ANKHD1: variants seen among roughly 807,000 people sequenced by gnomAD.
ANKHD1 encodes ankyrin repeat and KH domain containing 1.
In ANKHD1, 31 loss-of-function variants were observed where a neutral mutation model predicts 230.5. The observed-to-expected ratio is 0.13, with a 90% confidence interval of 0.10 to 0.18. The LOEUF (loss-of-function observed/expected upper bound fraction) is 0.18, where lower values mean the gene tolerates loss of function less well. Ranked by LOEUF, ANKHD1 falls within the 10% of genes least tolerant of loss-of-function variation. ANKHD1 has a pLI of 1.00. For synonymous variants in ANKHD1, 1,074 were observed against 1,117.6 expected (o/e 0.96, Z 0.78); for missense variants, 2,256 against 3,071.3 (o/e 0.73, Z 6.27).
chr5:140,443,006 C>T (rs750295480), intron 5 of ANKHD1, among the ~76,000 whole-genome samples: 12 of 151,568 alleles, frequency 7.9e-5, no homozygotes, highest in Admixed American at 2.6e-4. Flanking sequence ...TCCAGGTTCA[C>T]GCCATTCTCC....
At chr5:140,483,606 C>T (rs1318438206) in intron 11 of ANKHD1, among the ~76,000 whole-genome samples, 1 of 151,784 alleles carries the variant, frequency 6.6e-6, no homozygotes, top group East Asian at 1.9e-4. Context: ...TACAGGCATG[C>T]ACCACCATGC....
At chr5:140,519,560 T>G (rs895043530) in intron 24 of ANKHD1, among the ~76,000 whole-genome samples, 1 of 152,148 alleles carries the variant, frequency 6.6e-6, no homozygotes, top group Non-Finnish European at 1.5e-5. Context: ...AAACAGAATG[T>G]TACTGGTACC....
At chr5:140,515,867 G>A (rs1752978870) in intron 24 of ANKHD1, among the ~76,000 whole-genome samples, 1 of 152,148 alleles carries the variant, frequency 6.6e-6, no homozygotes, top group African/African-American at 2.4e-5. Context: ...AGAAAAACTG[G>A]AAACTCTAAA....
intron 21 of ANKHD1, 65 bp from the exon 22 acceptor site, chr5:140,509,954 G>C: frequency 6.5e-7 from 1 of 1,550,234 alleles, no homozygotes; most frequent in South Asian, 1.2e-5. Flanking sequence ...GAAGAAGATA[G>C]AGAAAACTAG....
At chr5:140,448,266 A>G (rs1561737632) in intron 6 of ANKHD1, among the ~76,000 whole-genome samples, 1 of 152,218 alleles carries the variant, frequency 6.6e-6, no homozygotes, top group Admixed American at 6.5e-5. Context: ...TACATCAAAT[A>G]GATGTACCAT....
intron 1 of ANKHD1, among the ~76,000 whole-genome samples, chr5:140,426,286 G>T (rs548222477): frequency 4.6e-5 from 7 of 151,990 alleles, no homozygotes; most frequent in Admixed American, 6.6e-5. Context: ...ACACCATCAC[G>T]CCTGGCTAAT....
At position 140,475,390 on chromosome 5, in the gene ANKHD1, T is replaced by C. The variant is rs144032920; in HGVS notation, c.1783-7190T>C. 7.2e-5 allele frequency among the ~76,000 whole-genome samples: 11 copies of C among 152,234 alleles called. No individual in the cohort carries two copies. In the East Asian group the frequency reaches 2.1e-3, roughly 29 times the overall value. ...ATAGGGAATGAATGCATTTCACATGTAGTACATCAGTAGATCTAGTCTACT... is the reference window on the plus strand; with the variant it reads ...ATAGGGAATGAATGCATTTCACATGCAGTACATCAGTAGATCTAGTCTACT... On this transcript the variant is annotated intron_variant, in intron 10 of 33. Coordinates refer to ENST00000360839, the MANE Select transcript of ANKHD1 (RefSeq NM_017747.3).
intron 10 of ANKHD1, among the ~76,000 whole-genome samples, chr5:140,481,864 T>TAA (rs780484624): frequency 6.6e-6 from 1 of 152,026 alleles, no homozygotes; most frequent in African/African-American, 2.4e-5. Context: ...TTTTAATACT[T>TAA]AGATGAATTT....
intron 29 of ANKHD1, among the ~76,000 whole-genome samples, chr5:140,531,638 C>A (rs1753825170): frequency 6.6e-6 from 1 of 151,904 alleles, no homozygotes; most frequent in Non-Finnish European, 1.5e-5. Context: ...AAACTGAAAC[C>A]ATCATACATG....
intron 10 of ANKHD1, among the ~76,000 whole-genome samples, chr5:140,476,402 C>G (rs999096036): frequency 1.3e-5 from 2 of 151,924 alleles, no homozygotes; most frequent in Non-Finnish European, 2.9e-5. Flanking sequence ...CTAAGCAGAA[C>G]AGATGAAACT....
intron 1 of ANKHD1, among the ~76,000 whole-genome samples, chr5:140,412,341 A>G (rs1183374207): frequency 6.6e-6 from 1 of 152,040 alleles, no homozygotes; most frequent in Non-Finnish European, 1.5e-5. Flanking sequence ...TTTTTTTTGT[A>G]GTTACAAGGT....
At position 140,436,436 on chromosome 5, in the gene ANKHD1, ATATTTTTAAGG is replaced by A. The variant is rs1379474691; in HGVS notation, c.460+184_460+194del. Among the ~76,000 whole-genome samples the A allele has an allele frequency of 5.9e-5, 9 of 152,168 alleles. No homozygotes were observed. In the South Asian group the frequency reaches 1.2e-3, roughly 21 times the overall value. ...TTTTGTATTTCTGGGCTCAACTCAT[ATATTTTTAAGG>A]TATTAAGATAATGAGCGTCCAGGCG... On this transcript the variant is annotated intron_variant, in intron 2 of 33. Coordinates refer to ENST00000360839, the MANE Select transcript of ANKHD1 (RefSeq NM_017747.3).
chr5:140,427,498 G>A (rs1260260074), intron 1 of ANKHD1, among the ~76,000 whole-genome samples: 3 of 136,534 alleles, frequency 2.2e-5, no homozygotes, highest in East Asian at 2.3e-4. Context: ...AGGGGCGGCC[G>A]GGCAGAGGCG....
chr5:140,478,772 G>C (rs1751101730), intron 10 of ANKHD1, among the ~76,000 whole-genome samples: 1 of 151,886 alleles, frequency 6.6e-6, no homozygotes, highest in African/African-American at 2.4e-5. Context: ...AGCCTCCCGA[G>C]TAGCTGGGAT....
rs1372577337 is a variant in ANKHD1 at position 140,459,328 on chromosome 5, G to C, written c.1645G>C (p.Glu549Gln). 4.4e-6 allele frequency: 7 copies of C among 1,574,062 alleles called. No individual in the cohort carries two copies. Among genetic ancestry groups the C allele is most frequent in the Admixed American group, 1.7e-5 (1 of 58,482 alleles). Residue 549 changes from glutamate to glutamine, a missense_variant, in exon 9 of 34, where the codon GAA becomes CAA. Transcript: ENST00000360839. ...GGAGGCATCTCAGGAGGGACACCTG[G>C]AATTGGTTAAATATTTGCTGGCTTC... ...LMEASQEGHL[E>Q]LVKYLLASGA...
chr5:140,456,145 A>T (rs1018544836), intron 7 of ANKHD1, among the ~76,000 whole-genome samples: 2 of 152,168 alleles, frequency 1.3e-5, no homozygotes, highest in Admixed American at 1.3e-4. Flanking sequence ...TAGGAATCCA[A>T]CTTACAAGGG....
intron 14 of ANKHD1, among the ~76,000 whole-genome samples, chr5:140,493,480 A>G (rs1751897613): frequency 6.6e-6 from 1 of 152,224 alleles, no homozygotes; most frequent in Non-Finnish European, 1.5e-5. Context: ...ATTTTCTGGT[A>G]TCTTATAATA....
Position 140,529,763 on chromosome 5 carries a change from C to G in ANKHD1, c.6817C>G (p.Pro2273Ala). 1.9e-6 allele frequency: 3 copies of G among 1,614,096 alleles called. No individual in the cohort carries two copies. The highest frequency in any genetic ancestry group is 2.5e-6 in the Non-Finnish European group (3 of 1,180,028). Residue 2273 changes from proline (P) to alanine (A), a missense_variant, in exon 29 of 34, where the codon CCA becomes GCA. Pro to Ala is a conservative substitution (Grantham distance 27). Transcript: ENST00000360839. ...TAACTCAAAGGCACCTGGCTTCAGACCACCTTCCCAGCGAGTTTCTACTAG... is the reference window on the plus strand; with the variant it reads ...TAACTCAAAGGCACCTGGCTTCAGAGCACCTTCCCAGCGAGTTTCTACTAG... ...PDNSKAPGFR[P>A]PSQRVSTSPV...
At chr5:140,446,786 C>CAT (rs1204767148) in intron 6 of ANKHD1, among the ~76,000 whole-genome samples, 1 of 152,054 alleles carries the variant, frequency 6.6e-6, no homozygotes, top group Non-Finnish European at 1.5e-5. Flanking sequence ...TATATACAAA[C>CAT]ATATATATAT....
Sources: gnomAD v4.1 joint callset for allele counts (sites outside exome capture counted in the v4.1 genomes callset) on GRCh38, gnomAD v4.1.1 for gene constraint, MANE v1.5 for transcripts, NCBI Gene and HGNC (gene_info 2026-07-23, HGNC 2026-07-21) for gene names.